Variants in LOC128125817 observed in about 807,000 individuals in gnomAD.
chr1:41,595,390 C>CCTCCTCTCTCTCCATCCTGCT, the LOC128125817 span, among the ~76,000 whole-genome samples: 1 of 152,184 alleles, frequency 6.6e-6, no homozygotes, highest in Non-Finnish European at 1.5e-5. Flanking sequence ...GTCTTCCTGG[C>CCTCCTCTCTCTCCATCCTGCT]CTCCTCTCTC....
At chr1:41,619,181 C>T in the LOC128125817 span, among the ~76,000 whole-genome samples, 1 of 152,200 alleles carries the variant, frequency 6.6e-6, no homozygotes, top group South Asian at 2.1e-4. Context: ...TTGCTGTTCC[C>T]AGCAGGCTGA....
the LOC128125817 span, among the ~76,000 whole-genome samples, chr1:41,618,687 G>A: frequency 0.05 from 7,625 of 152,220 alleles, 666 homozygotes; most frequent in African/African-American, 0.17. Context: ...AGTGACCTGA[G>A]CTCAAGGATG....
chr1:41,602,765 T>A, the LOC128125817 span, among the ~76,000 whole-genome samples: 1 of 152,044 alleles, frequency 6.6e-6, no homozygotes, highest in Non-Finnish European at 1.5e-5. Flanking sequence ...TCTGTTAACC[T>A]TGGCCTTAAT....
At chr1:41,613,189 T>G in the LOC128125817 span, among the ~76,000 whole-genome samples, 1 of 152,240 alleles carries the variant, frequency 6.6e-6, no homozygotes, top group Non-Finnish European at 1.5e-5. Flanking sequence ...CCTCTCCAAA[T>G]GGGTTTCCCA....
the LOC128125817 span, among the ~76,000 whole-genome samples, chr1:41,601,675 C>G: frequency 6.6e-6 from 1 of 152,008 alleles, no homozygotes; most frequent in Non-Finnish European, 1.5e-5. Context: ...ATTATTTTGT[C>G]TGCAAACAGG....
At chr1:41,620,416 C>A in the LOC128125817 span, among the ~76,000 whole-genome samples, 3 of 152,302 alleles carry the variant, frequency 2.0e-5, no homozygotes, top group African/African-American at 7.2e-5. Context: ...CTGTTCAAAT[C>A]TCCCTTTTCT....
the LOC128125817 span, among the ~76,000 whole-genome samples, chr1:41,627,366 G>A: frequency 6.6e-5 from 10 of 152,260 alleles, no homozygotes; most frequent in East Asian, 3.9e-4. Context: ...ACTAAGAGTC[G>A]GGGCTGGGAT....
chr1:41,624,058 C>A, the LOC128125817 span, among the ~76,000 whole-genome samples: 2 of 152,168 alleles, frequency 1.3e-5, no homozygotes, highest in Non-Finnish European at 2.9e-5. Flanking sequence ...GGAGACTTCC[C>A]AAGCCTCAGC....
the LOC128125817 span, among the ~76,000 whole-genome samples, chr1:41,609,229 A>C: frequency 6.6e-6 from 1 of 152,348 alleles, no homozygotes; most frequent in East Asian, 1.9e-4. Flanking sequence ...AACCCTTCCC[A>C]TGCAGGGCAT....
At chr1:41,608,165 T>A in the LOC128125817 span, among the ~76,000 whole-genome samples, 1 of 152,066 alleles carries the variant, frequency 6.6e-6, no homozygotes, top group Non-Finnish European at 1.5e-5. Flanking sequence ...ACCAGTTCAG[T>A]CTTGAATGTG....
At chr1:41,595,842 G>A in the LOC128125817 span, among the ~76,000 whole-genome samples, 1,191 of 152,262 alleles carry the variant, frequency 7.8e-3, 17 homozygotes, top group African/African-American at 0.027. Context: ...AACATTGGAC[G>A]CCAAGTTCTT....
At chr1:41,626,310 G>A in the LOC128125817 span, among the ~76,000 whole-genome samples, 1 of 152,368 alleles carries the variant, frequency 6.6e-6, no homozygotes, top group African/African-American at 2.4e-5. Flanking sequence ...CTGGACTCCA[G>A]CAGCACCAAG....
chr1:41,623,963 C>T, the LOC128125817 span, among the ~76,000 whole-genome samples: 1 of 152,208 alleles, frequency 6.6e-6, no homozygotes, highest in Admixed American at 6.5e-5. Flanking sequence ...TTGCTCCACG[C>T]TCTTCTGCAC....
chr1:41,611,024 G>A, the LOC128125817 span, among the ~76,000 whole-genome samples: 1 of 150,634 alleles, frequency 6.6e-6, no homozygotes, highest in East Asian at 1.9e-4. Context: ...TCAACCAGGT[G>A]AACTCTGAAA....
chr1:41,616,335 C>T, the LOC128125817 span, among the ~76,000 whole-genome samples: 1 of 152,208 alleles, frequency 6.6e-6, no homozygotes, highest in Non-Finnish European at 1.5e-5. Context: ...TTGTTCCCCA[C>T]CTGCACAAAG....
At chr1:41,592,771 A>T in the LOC128125817 span, among the ~76,000 whole-genome samples, 1 of 152,210 alleles carries the variant, frequency 6.6e-6, no homozygotes, top group Non-Finnish European at 1.5e-5. Context: ...GCTCACCTAT[A>T]ACATTCTAAC....
the LOC128125817 span, among the ~76,000 whole-genome samples, chr1:41,621,166 C>T: frequency 6.6e-6 from 1 of 152,252 alleles, no homozygotes; most frequent in Non-Finnish European, 1.5e-5. Context: ...CTGAATAATA[C>T]TTGTGGTGCA....
chr1:41,615,966 AGT>A, the LOC128125817 span, among the ~76,000 whole-genome samples: 1 of 151,944 alleles, frequency 6.6e-6, no homozygotes, highest in Non-Finnish European at 1.5e-5. Context: ...TCCTTTAACA[AGT>A]GTGTTTTCTC....
the LOC128125817 span, among the ~76,000 whole-genome samples, chr1:41,596,713 CTAAT>C: frequency 2.0e-5 from 3 of 152,196 alleles, no homozygotes; most frequent in Non-Finnish European, 2.9e-5. Context: ...AGGGCTGAGG[CTAAT>C]TGCTTCAGAT....
Sources: gnomAD v4.1 joint callset for allele counts (sites outside exome capture counted in the v4.1 genomes callset) on GRCh38, gnomAD v4.1.1 for gene constraint, MANE v1.5 for transcripts.